Variants in PTPRM observed in about 807,000 individuals in gnomAD.
PTPRM encodes protein tyrosine phosphatase receptor type M, also known as receptor-type tyrosine-protein phosphatase mu.
Under a neutral mutation model 186.7 loss-of-function variants are expected in PTPRM, and 47 were observed. The ratio of observed to expected loss-of-function variants is 0.25; its 90% CI spans 0.20 to 0.32. The LOEUF (loss-of-function observed/expected upper bound fraction) is 0.32. PTPRM is among the 10% of genes least tolerant of loss of function. The pLI, the probability that PTPRM is intolerant of heterozygous loss-of-function variation, is 1.00. For synonymous variants in PTPRM, 668 were observed against 674.9 expected (o/e 0.99, Z 0.16); for missense variants, 1,494 against 1,865.0 (o/e 0.80, Z 3.66).
chr18:8,004,265 G>C (rs1418563714), intron 7 of PTPRM, among the ~76,000 whole-genome samples: 5 of 152,100 alleles, frequency 3.3e-5, no homozygotes, highest in Non-Finnish European at 7.4e-5. Context: ...CCTTATGAAA[G>C]GGATCCATAG....
chr18:8,251,306 CTG>C (rs2094526243), intron 17 of PTPRM, among the ~76,000 whole-genome samples: 1 of 152,158 alleles, frequency 6.6e-6, no homozygotes, highest in Admixed American at 6.5e-5. Flanking sequence ...AGATACAAAA[CTG>C]AGAGAACGAG....
intron 7 of PTPRM, among the ~76,000 whole-genome samples, chr18:7,979,182 G>A (rs2055164296): frequency 6.6e-6 from 1 of 152,194 alleles, no homozygotes; most frequent in South Asian, 2.1e-4. Context: ...ACCCGCCACT[G>A]TAGAGTCCTT....
chr18:8,039,789 A>T (rs949547815), intron 7 of PTPRM, among the ~76,000 whole-genome samples: 1 of 152,078 alleles, frequency 6.6e-6, no homozygotes, highest in Non-Finnish European at 1.5e-5. Context: ...AAAATTATAG[A>T]TCCCTATTTA....
chr18:8,268,910 A>G (rs1485517885), intron 19 of PTPRM, among the ~76,000 whole-genome samples: 2 of 152,078 alleles, frequency 1.3e-5, no homozygotes, highest in East Asian at 3.8e-4. Context: ...AATTGTGTAT[A>G]GAAGGAATAT....
At chr18:8,216,698 T>G (rs573437715) in intron 14 of PTPRM, among the ~76,000 whole-genome samples, 53 of 152,376 alleles carry the variant, frequency 3.5e-4, no homozygotes, top group African/African-American at 1.2e-3. Context: ...CTGAGACATA[T>G]GGTAACATAT....
At chr18:7,787,037 A>G (rs1207479850) in intron 2 of PTPRM, among the ~76,000 whole-genome samples, 1 of 152,196 alleles carries the variant, frequency 6.6e-6, no homozygotes, top group Non-Finnish European at 1.5e-5. Context: ...GGCACAAATT[A>G]TTACAAATAA....
At chr18:8,241,569 T>C (rs1265745990) in intron 14 of PTPRM, among the ~76,000 whole-genome samples, 1 of 152,212 alleles carries the variant, frequency 6.6e-6, no homozygotes, top group African/African-American at 2.4e-5. Context: ...AAGTCGGGTC[T>C]AGTTTCTCCT....
intron 1 of PTPRM, among the ~76,000 whole-genome samples, chr18:7,762,108 C>T (rs1263181150): frequency 5.3e-5 from 8 of 151,980 alleles, no homozygotes; most frequent in African/African-American, 1.2e-4. Context: ...GTTCAAGGAC[C>T]GCCCAGTGCA....
At chr18:7,854,543 A>G (rs2047005044) in intron 2 of PTPRM, among the ~76,000 whole-genome samples, 1 of 152,176 alleles carries the variant, frequency 6.6e-6, no homozygotes, top group Non-Finnish European at 1.5e-5. Flanking sequence ...GTACTTGAAA[A>G]TGCAGGTAGC....
chr18:7,758,730 G>A (rs2041625969), intron 1 of PTPRM, among the ~76,000 whole-genome samples: 1 of 152,238 alleles, frequency 6.6e-6, no homozygotes, highest in East Asian at 1.9e-4. Flanking sequence ...CTGTGGTTAA[G>A]GTCTTATCTG....
At chr18:7,708,182 T>C (rs1300526913) in intron 1 of PTPRM, among the ~76,000 whole-genome samples, 1 of 152,146 alleles carries the variant, frequency 6.6e-6, no homozygotes, top group East Asian at 1.9e-4. Context: ...TTTGGTACCA[T>C]GTCCAGCTTT....
intron 13 of PTPRM, among the ~76,000 whole-genome samples, chr18:8,117,574 T>C (rs1001934743): frequency 2.0e-5 from 3 of 152,224 alleles, no homozygotes; most frequent in Non-Finnish European, 2.9e-5. Context: ...TCATCTTAAA[T>C]ATAAACTTCA....
chr18:7,772,290 C>CTTTTCTTT (rs1180359946), intron 1 of PTPRM, among the ~76,000 whole-genome samples: 2 of 77,980 alleles, frequency 2.6e-5, no homozygotes, highest in African/African-American at 1.2e-4. Flanking sequence ...TTTTCTTTCT[C>CTTTTCTTT]TCCTTCCTTC....
intron 1 of PTPRM, among the ~76,000 whole-genome samples, chr18:7,734,798 A>G (rs1239409945): frequency 6.6e-6 from 1 of 152,208 alleles, no homozygotes; most frequent in Admixed American, 6.5e-5. Context: ...CAAAGAATGA[A>G]GCTTTCAAAT....
intron 14 of PTPRM, among the ~76,000 whole-genome samples, chr18:8,185,165 TAAAA>T (rs5822995): frequency 6.6e-6 from 1 of 150,630 alleles, no homozygotes; most frequent in African/African-American, 2.4e-5. Context: ...TTAAAAAAAA[TAAAA>T]AAAAAAGATA....
intron 14 of PTPRM, among the ~76,000 whole-genome samples, chr18:8,164,755 T>C (rs1298471274): frequency 6.6e-6 from 1 of 152,138 alleles, no homozygotes; most frequent in African/African-American, 2.4e-5. Flanking sequence ...AGATGAAAAA[T>C]TAGCGAGACA....
intron 1 of PTPRM, among the ~76,000 whole-genome samples, chr18:7,752,991 G>C (rs768344339): frequency 6.6e-6 from 1 of 152,006 alleles, no homozygotes; most frequent in South Asian, 2.1e-4. Flanking sequence ...TAATGATTTG[G>C]GGGGAGGGGC....
intron 4 of PTPRM, among the ~76,000 whole-genome samples, chr18:7,919,678 T>C (rs1238923859): frequency 6.6e-6 from 1 of 152,182 alleles, no homozygotes; most frequent in African/African-American, 2.4e-5. Flanking sequence ...GAAAAGAAAG[T>C]GTATTCCATA....
chr18:8,076,630 C>G (rs1242295622), intron 9 of PTPRM, 66 bp downstream of exon 9: 7 of 795,290 alleles, frequency 8.8e-6, no homozygotes, highest in South Asian at 1.9e-5. Context: ...TGTAGGCTAT[C>G]TAGTATTTAA....
Sources: gnomAD v4.1 joint callset for allele counts (sites outside exome capture counted in the v4.1 genomes callset) on GRCh38, gnomAD v4.1.1 for gene constraint, MANE v1.5 for transcripts, NCBI Gene and HGNC (gene_info 2026-07-23, HGNC 2026-07-21) for gene names.